Variants in EEPD1 observed in about 807,000 individuals in gnomAD.
EEPD1 encodes the protein endonuclease/exonuclease/phosphatase family domain-containing protein 1.
In EEPD1, 17 loss-of-function variants were observed where a neutral mutation model predicts 46.3. The observed-to-expected ratio is 0.37, with a 90% CI of 0.25 to 0.55. The LOEUF (loss-of-function observed/expected upper bound fraction) is 0.55. Among genes scored for constraint, EEPD1 ranks in the 20% least tolerant of loss-of-function variants. The probability of loss-of-function intolerance (pLI) is 0.83; values close to 1 mark genes in which losing one functional copy is unlikely to be tolerated. For missense variants in EEPD1, 673 were observed against 745.6 expected, an observed-to-expected ratio of 0.90 and a Z score of 1.13; for synonymous variants, 313 against 315.6, an observed-to-expected ratio of 0.99 and a Z score of 0.09.
chr7:36,275,413 G>A (rs1040556684), intron 3 of EEPD1, among the ~76,000 whole-genome samples: 3 of 152,086 alleles, frequency 2.0e-5, no homozygotes, highest in African/African-American at 4.8e-5. Context: ...ACCACTGAGT[G>A]GAGTTGGAAC....
intron 3 of EEPD1, among the ~76,000 whole-genome samples, chr7:36,248,911 T>G (rs1786685504): frequency 6.6e-6 from 1 of 151,228 alleles, no homozygotes; most frequent in Non-Finnish European, 1.5e-5. Flanking sequence ...CTTCACAAAC[T>G]CAGTGCTCAG....
At chr7:36,197,712 G>A (rs1785633978) in intron 2 of EEPD1, among the ~76,000 whole-genome samples, 2 of 151,884 alleles carry the variant, frequency 1.3e-5, no homozygotes, top group African/African-American at 4.8e-5. Flanking sequence ...ATGCTTGAAG[G>A]CAGCATGCTC....
At chr7:36,238,428 C>T (rs766693291) in intron 2 of EEPD1, among the ~76,000 whole-genome samples, 1 of 152,218 alleles carries the variant, frequency 6.6e-6, no homozygotes, top group African/African-American at 2.4e-5. Flanking sequence ...ATGCCCCTGA[C>T]AGTTCTACTT....
At chr7:36,287,902 G>A in intron 6 of EEPD1, 125 bp downstream of exon 6, 1 of 1,378,864 alleles carries the variant, frequency 7.3e-7, no homozygotes, top group South Asian at 1.4e-5. Context: ...GGGTACAGGG[G>A]ACAGTCAAAC....
intron 2 of EEPD1, among the ~76,000 whole-genome samples, chr7:36,185,979 A>G (rs1351907848): frequency 6.6e-6 from 1 of 152,216 alleles, no homozygotes; most frequent in Non-Finnish European, 1.5e-5. Context: ...GCTGTGATTC[A>G]TCTACTATGT....
chr7:36,183,432 GC>G (rs1302619780), intron 2 of EEPD1, among the ~76,000 whole-genome samples: 2 of 152,098 alleles, frequency 1.3e-5, no homozygotes, highest in South Asian at 2.1e-4. Context: ...AGAGCTGCAC[GC>G]CCGGCTTCTG....
Position 36,284,687 on chromosome 7 carries a change from G to C in EEPD1, c.1043G>C (p.Gly348Ala). 1 of 1,611,970 alleles carries C rather than the reference G, an allele frequency of 6.2e-7. No individual in the cohort carries two copies. Among genetic ancestry groups the C allele is most frequent in the Non-Finnish European group, 8.5e-7 (1 of 1,179,090 alleles). The part of the protein sequence containing the change: ...AEKPSSQLQK[G>A]AGYAGFLWDA... ...ACTCTGTCTCCCTCTCCGCTGCAGG[G>C]AGCTGGGTATGCAGGATTCCTATGG... is the stretch of plus-strand genomic sequence containing the variant. Residue 348 changes from glycine (G) to alanine (A), a missense_variant and splice_region_variant, in exon 5 of 8, where the codon GGA becomes GCA. Transcript: ENST00000242108.
At chr7:36,289,563 C>T (rs955864723) in intron 6 of EEPD1, among the ~76,000 whole-genome samples, 2 of 152,214 alleles carry the variant, frequency 1.3e-5, no homozygotes, top group Non-Finnish European at 2.9e-5. Context: ...GGCACGATCT[C>T]GGCTCACTGC....
rs960301890 is a variant in EEPD1, at chr7:36,155,057, C to G, written c.733C>G (p.Arg245Gly). 6 of 1,597,248 alleles carry G rather than the reference C, an allele frequency of 3.8e-6. No individual in the cohort carries two copies. Among genetic ancestry groups the G allele is most frequent in the Non-Finnish European group, 5.1e-6 (6 of 1,170,258 alleles). The change falls in exon 2 of 8, where the codon CGG becomes GGG. Residue 245 changes from arginine (R) to glycine (G), a missense_variant. By Grantham distance (125) the Arg-to-Gly change is moderately radical (BLOSUM62 -2). Coordinates refer to ENST00000242108, the MANE Select transcript of EEPD1 (RefSeq NM_030636.3). ...GGGGCCCACCCAGATTATCTCCACT[C>G]GGCCGTCCGTGGAGGCCTTTGGAGG... The part of the protein sequence containing the change: ...PGGPTQIIST[R>G]PSVEAFGGTR...
chr7:36,279,731 C>G (rs900121529), intron 3 of EEPD1, among the ~76,000 whole-genome samples: 1 of 152,304 alleles, frequency 6.6e-6, no homozygotes, highest in African/African-American at 2.4e-5. Context: ...TTTGTTCAGG[C>G]ACAGATTGCT....
chr7:36,214,804 C>T (rs565879878), intron 2 of EEPD1, among the ~76,000 whole-genome samples: 51 of 152,344 alleles, frequency 3.3e-4, no homozygotes, highest in African/African-American at 1.2e-3. Flanking sequence ...TTCTTCCCGC[C>T]GCCTTCTTGG....
At chr7:36,183,517 T>C (rs1785309955) in intron 2 of EEPD1, among the ~76,000 whole-genome samples, 1 of 152,132 alleles carries the variant, frequency 6.6e-6, no homozygotes, top group Non-Finnish European at 1.5e-5. Flanking sequence ...GTTTGTGAGC[T>C]TCACACCTGA....
At chr7:36,168,512 T>G (rs1785026503) in intron 2 of EEPD1, among the ~76,000 whole-genome samples, 2 of 152,186 alleles carry the variant, frequency 1.3e-5, no homozygotes, top group Admixed American at 1.3e-4. Flanking sequence ...CCCAGCACTT[T>G]GGGAGGCTGA....
chr7:36,258,708 T>A (rs926149982), intron 3 of EEPD1, among the ~76,000 whole-genome samples: 1 of 152,152 alleles, frequency 6.6e-6, no homozygotes, highest in African/African-American at 2.4e-5. Flanking sequence ...GACTTCAGAC[T>A]GCTGTGCTGG....
At chr7:36,219,386 G>A (rs1786091655) in intron 2 of EEPD1, among the ~76,000 whole-genome samples, 1 of 151,836 alleles carries the variant, frequency 6.6e-6, no homozygotes, top group South Asian at 2.1e-4. Flanking sequence ...CAAAAGGTGG[G>A]GACCTGGCTG....
intron 3 of EEPD1, among the ~76,000 whole-genome samples, chr7:36,259,712 C>T (rs1786889577): frequency 6.6e-6 from 1 of 151,928 alleles, no homozygotes; most frequent in Non-Finnish European, 1.5e-5. Context: ...GACAGGGTTT[C>T]TCTATGTTGC....
Position 36,154,251 on chromosome 7 carries a change from A to T in EEPD1, c.-74A>T. The T allele has an allele frequency of 6.7e-7, 1 of 1,501,490 alleles. No individual in the cohort carries two copies. The highest frequency in any genetic ancestry group is 8.9e-7 in the Non-Finnish European group (1 of 1,129,266). The allele number at this position is 1,501,490 out of a possible 1,614,324, so 93.0% of individuals were successfully genotyped here. A position where few individuals can be genotyped will look rare whatever the true frequency, so the allele number is the denominator to read the frequency against. On this transcript the variant is annotated 5_prime_UTR_variant, in exon 2 of 8. Transcript: ENST00000242108. This position sits in a 1 kb window ranked among gnomAD's most constrained non-coding sequence, Gnocchi z 4.2. Reference sequence around the variant, plus strand: ...CCGTTTTTCTGTGCTTGTACGGCCTACTGGGCTTCCTCCCTAGCCAGAGAG... The same window carrying T: ...CCGTTTTTCTGTGCTTGTACGGCCTTCTGGGCTTCCTCCCTAGCCAGAGAG...
At chr7:36,281,765 A>G (rs1787264311) in intron 4 of EEPD1, among the ~76,000 whole-genome samples, 1 of 152,182 alleles carries the variant, frequency 6.6e-6, no homozygotes, top group African/African-American at 2.4e-5. Context: ...TCATATTATT[A>G]TTCAAGGCCA....
Position 36,299,313 on chromosome 7 carries a change from C to T in EEPD1, c.*107C>T. ...AGAGCTGCCTTTTAATTTTTATTCT[C>T]AGAGCATCAGCACTTGAGGCCTTGC... On this transcript the variant is annotated 3_prime_UTR_variant, in exon 8 of 8. Coordinates refer to ENST00000242108, the MANE Select transcript of EEPD1 (RefSeq NM_030636.3). 1 of 1,310,566 alleles carries T rather than the reference C, an allele frequency of 7.6e-7. No individual in the cohort carries two copies. The highest frequency in any genetic ancestry group is 1.0e-6 in the Non-Finnish European group (1 of 960,642). The allele number at this position is 1,310,566 out of a possible 1,614,324, so 81.2% of individuals were successfully genotyped here. A position where few individuals can be genotyped will look rare whatever the true frequency, so the allele number is the denominator to read the frequency against.
Sources: allele counts gnomAD v4.1 joint callset (sites outside exome capture counted in the v4.1 genomes callset), GRCh38; gene constraint gnomAD v4.1.1; non-coding constraint Gnocchi (gnomAD v3.1); transcripts MANE v1.5; gene names NCBI Gene and HGNC (gene_info 2026-07-23, HGNC 2026-07-21).